Variants in CELF3 observed in about 807,000 individuals in gnomAD.
CELF3 encodes CUGBP Elav-like family member 3.
In CELF3, 26 loss-of-function variants were observed where a neutral mutation model predicts 59.6. The ratio of observed to expected loss-of-function variants is 0.44; its 90% CI spans 0.32 to 0.61. The LOEUF (loss-of-function observed/expected upper bound fraction) is 0.61. CELF3 is among the 20% of genes least tolerant of loss of function. The pLI, the probability that CELF3 is intolerant of heterozygous loss-of-function variation, is 0.06. For missense variants in CELF3, 387 were observed against 627.2 expected (o/e 0.62, Z 4.09); for synonymous variants, 245 against 250.7 (o/e 0.98, Z 0.22).
intron 1 of CELF3, 31 bp from the exon 2 acceptor site, chr1:151,714,707 C>CG (rs1350339814): frequency 3.4e-6 from 5 of 1,477,828 alleles, no homozygotes; most frequent in African/African-American, 2.8e-5. Flanking sequence ...AGAAACACGG[C>CG]GGGGGGTGAG....
intron 1 of CELF3, 146 bp downstream of exon 1, chr1:151,715,730 T>A (rs1406472072): frequency 6.3e-7 from 1 of 1,581,132 alleles, no homozygotes; most frequent in Admixed American, 1.7e-5. Context: ...GAGTTCTTTT[T>A]CAGCTCCTCC....
chr1:151,701,775 A>G lies in CELF3; in HGVS notation c.*1684T>C, dbSNP rs560598681. Among the ~76,000 whole-genome samples the G allele has an allele frequency of 2.3e-4, 35 of 151,764 alleles. No homozygotes were observed. Among genetic ancestry groups the G allele is most frequent in the African/African-American group, 8.5e-4 (35 of 41,370 alleles). On this transcript the variant is annotated 3_prime_UTR_variant, in exon 13 of 13. Coordinates refer to ENST00000290583, the MANE Select transcript of CELF3 (RefSeq NM_007185.7). ...AAAAAAAACACCATTTTTAAAAATG[A>G]GCTGGGCGTGGTGGTGCAGCCGCTT...
rs372893217 is a variant in CELF3 at position 151,705,702 on chromosome 1, T to C, written c.1270+120A>G. On this transcript the variant is annotated intron_variant, in intron 11 of 12. Transcript: ENST00000290583. The surrounding 1 kb of genome is among the most constrained non-coding windows in gnomAD (Gnocchi z 5.1). ...TGGGTGTGTCAAAATGGCTCTTTTG[T>C]ACTCTTGGATAATCAGTATTTCAAA... 1.1e-5 allele frequency: 13 copies of C among 1,139,436 alleles called. No homozygotes were observed. The African/African-American group carries it at 1.2e-4, about 11-fold the overall frequency. 70.6% of individuals were successfully genotyped at this position (1,139,436 alleles called of 1,614,324 possible).
intron 1 of CELF3, 57 bp from the exon 2 acceptor site, chr1:151,714,733 C>T (rs1004588728): frequency 3.4e-6 from 4 of 1,191,154 alleles, no homozygotes; most frequent in East Asian, 2.5e-5. Flanking sequence ...CATCTCCCCT[C>T]TCTGAAAGGC....
At chr1:151,711,275 G>C (rs1380581667) in intron 2 of CELF3, 6 of 176,448 alleles carry the variant, frequency 3.4e-5, no homozygotes, top group Non-Finnish European at 7.2e-5. Flanking sequence ...GCATCACTTA[G>C]CGCCGAGAAG....
chr1:151,715,766 T>G, intron 1 of CELF3, 110 bp downstream of exon 1: 2 of 1,596,686 alleles, frequency 1.3e-6, no homozygotes, highest in Non-Finnish European at 8.5e-7. Context: ...GCCTGAACTC[T>G]TCTCCTTCCA....
At position 151,715,506 on chromosome 1, in the gene CELF3, C is replaced by CA. The variant is rs570408595; in HGVS notation, c.145+369dup. 1.6e-3 allele frequency: 1,190 copies of CA among 751,386 alleles called. 3 individuals carry two copies. The highest frequency in any genetic ancestry group is 2.3e-3 in the Non-Finnish European group (1,137 of 495,608). The allele number at this position is 751,386 out of a possible 1,614,324, so 46.5% of individuals were successfully genotyped here. On this transcript the variant is annotated intron_variant, in intron 1 of 12. Transcript: ENST00000290583. ...TATTATCTGAGGCTGCTCAGATTCT[C>CA]AGTCTTGCTGCACACGCACACACAC... is the stretch of plus-strand genomic sequence containing the variant.
chr1:151,709,093 TGGA>T lies in CELF3; in HGVS notation c.407-19_407-17del. 1.9e-6 allele frequency: 3 copies of T among 1,612,260 alleles called. No homozygotes were observed. Among genetic ancestry groups the T allele is most frequent in the Non-Finnish European group, 1.7e-6 (2 of 1,179,172 alleles). On this transcript the variant is annotated splice_polypyrimidine_tract_variant and intron_variant, in intron 4 of 12. Coordinates refer to ENST00000290583, the MANE Select transcript of CELF3 (RefSeq NM_007185.7). This position sits in a 1 kb window ranked among gnomAD's most constrained non-coding sequence, Gnocchi z 4.9. ...AAGGCGCAGCCTGGAGAGGTTGAGA[TGGA>T]GGAGGAGAGGGGTAAGCACCCATCC... is the stretch of plus-strand genomic sequence containing the variant.
Position 151,716,277 on chromosome 1 carries a change from C to A in CELF3, c.-257G>T. On this transcript the variant is annotated 5_prime_UTR_variant, in exon 1 of 13. The change creates a new upstream start codon in the 5' untranslated region. Transcript: ENST00000290583. ...GGCATCGCCTAAACAAACGATCTCC[C>A]TCCCAGAGATCTGGCAAATGTCCCA... 2 of 454,370 alleles carry A rather than the reference C, an allele frequency of 4.4e-6. No homozygotes were observed. Among genetic ancestry groups the A allele is most frequent in the Non-Finnish European group, 7.8e-6 (2 of 255,318 alleles). 28.1% of individuals were successfully genotyped at this position (454,370 alleles called of 1,614,324 possible).
intron 1 of CELF3, among the ~76,000 whole-genome samples, chr1:151,715,292 G>C (rs1347534177): frequency 6.6e-6 from 1 of 151,942 alleles, no homozygotes; most frequent in Non-Finnish European, 1.5e-5. Flanking sequence ...ATAGGCCTGA[G>C]GAGCACCCTC....
Position 151,705,530 on chromosome 1 carries a change from C to T in CELF3, c.1270+292G>A, listed in dbSNP as rs994937576. On this transcript the variant is annotated intron_variant, in intron 11 of 12. Transcript: ENST00000290583. This position sits in a 1 kb window ranked among gnomAD's most constrained non-coding sequence, Gnocchi z 5.1. ...TCAAAGATGTGAAGGCAGCTAAAACCGACTCCCCAAGCCCACCTTTTGCAA... is the reference window on the plus strand; with the variant it reads ...TCAAAGATGTGAAGGCAGCTAAAACTGACTCCCCAAGCCCACCTTTTGCAA... Among the ~76,000 whole-genome samples, 13 of 152,280 alleles carry T rather than the reference C, an allele frequency of 8.5e-5. No individual in the cohort carries two copies. The highest frequency in any genetic ancestry group is 5.8e-4 in the East Asian group (3 of 5,180).
At chr1:151,704,063 C>T (rs905218979) in intron 12 of CELF3, among the ~76,000 whole-genome samples, 8 of 152,184 alleles carry the variant, frequency 5.3e-5, no homozygotes, top group Non-Finnish European at 7.3e-5. Flanking sequence ...GTGCTTCCCT[C>T]CGCGGCCCCT....
In CELF3 at chr1:151,715,741, A is replaced by T. The variant is rs948938761; in HGVS notation, c.145+135T>A. The T allele has an allele frequency of 6.9e-6, 11 of 1,592,020 alleles. No homozygotes were observed. The African/African-American group carries it at 1.1e-4, about 16-fold the overall frequency. ...AGCTGAGTTCTTTTTCAGCTCCTCC[A>T]TCCACTTTCCTCAGGCCTGAACTCT... On this transcript the variant is annotated intron_variant, in intron 1 of 12. Coordinates refer to ENST00000290583, the MANE Select transcript of CELF3 (RefSeq NM_007185.7).
Position 151,703,000 on chromosome 1 carries a change from C to T in CELF3, c.*459G>A. ...AGCTGAGGGTGGAGGGGAGTGAGAG[C>T]CAGCTTCCAAGAAACCCCTAATGTG... On this transcript the variant is annotated 3_prime_UTR_variant, in exon 13 of 13. Coordinates refer to ENST00000290583, the MANE Select transcript of CELF3 (RefSeq NM_007185.7). The T allele has an allele frequency of 2.8e-6, 1 of 352,298 alleles. No individual in the cohort carries two copies. Among genetic ancestry groups the T allele is most frequent in the Non-Finnish European group, 5.7e-6 (1 of 176,566 alleles). 21.8% of individuals were successfully genotyped at this position (352,298 alleles called of 1,614,324 possible). A position where few individuals can be genotyped will look rare whatever the true frequency, so the allele number is the denominator to read the frequency against.
intron 10 of CELF3, 83 bp downstream of exon 10, chr1:151,706,141 A>G: frequency 6.2e-7 from 1 of 1,607,698 alleles, no homozygotes; most frequent in Non-Finnish European, 8.5e-7. Flanking sequence ...CACGTGGGCA[A>G]GAGCTGGGCT....
Position 151,716,116 on chromosome 1 carries a change from G to T in CELF3, c.-96C>A, listed in dbSNP as rs2101492940. On this transcript the variant is annotated 5_prime_UTR_variant, in exon 1 of 13. Coordinates refer to ENST00000290583, the MANE Select transcript of CELF3 (RefSeq NM_007185.7). ...AGGAGATAAGTGGTGGGGCCCGGGG[G>T]CCCAGCTGGGGCTGGCTTTCCCTTT... The T allele has an allele frequency of 1.5e-6, 2 of 1,325,180 alleles. No homozygotes were observed. The highest frequency in any genetic ancestry group is 2.4e-5 in the East Asian group (1 of 41,462). 82.1% of individuals were successfully genotyped at this position (1,325,180 alleles called of 1,614,324 possible). A position where few individuals can be genotyped will look rare whatever the true frequency, so the allele number is the denominator to read the frequency against.
intron 9 of CELF3, 131 bp downstream of exon 9, chr1:151,706,538 A>T (rs1187979856): frequency 4.1e-6 from 5 of 1,220,972 alleles, no homozygotes; most frequent in South Asian, 1.3e-5. Flanking sequence ...CCCTCCCCAC[A>T]GTTGGGCTTG....
intron 2 of CELF3, chr1:151,710,745 G>A (rs1443136353): frequency 6.6e-6 from 3 of 456,366 alleles, no homozygotes; most frequent in Admixed American, 2.4e-5. Context: ...GACCCCTGCA[G>A]TATCTCCCTT....
intron 10 of CELF3, 55 bp from the exon 11 acceptor site, chr1:151,706,020 C>T: frequency 1.9e-6 from 3 of 1,606,826 alleles, no homozygotes; most frequent in South Asian, 2.2e-5. Context: ...GCACACACCC[C>T]AGAAGCAAAT....
Sources: allele counts gnomAD v4.1 joint callset (sites outside exome capture counted in the v4.1 genomes callset), GRCh38; gene constraint gnomAD v4.1.1; non-coding constraint Gnocchi (gnomAD v3.1); transcripts MANE v1.5; gene names NCBI Gene and HGNC (gene_info 2026-07-23, HGNC 2026-07-21).